Variants in HPSE2 observed in about 807,000 individuals in gnomAD.
The protein encoded by HPSE2 is inactive heparanase-2.
In HPSE2, 38 loss-of-function variants were observed where a neutral mutation model predicts 60.5. That is an observed-to-expected ratio of 0.63 (90% CI 0.48 to 0.82). The LOEUF is 0.82. Among genes scored for constraint, HPSE2 ranks in the 40% least tolerant of loss-of-function variants. The pLI is 0.00. For missense variants in HPSE2, 713 were observed against 740.4 expected (o/e 0.96, Z 0.43); for synonymous variants, 295 against 293.2 (o/e 1.01, Z -0.06).
intron 3 of HPSE2, among the ~76,000 whole-genome samples, chr10:98,910,050 GA>G (rs1156467288): frequency 6.6e-6 from 1 of 152,036 alleles, no homozygotes; most frequent in East Asian, 1.9e-4. Context: ...GCTATTATAA[GA>G]AGAAAAAAAG....
At chr10:98,979,737 C>A (rs1273642440) in intron 3 of HPSE2, among the ~76,000 whole-genome samples, 4 of 152,076 alleles carry the variant, frequency 2.6e-5, no homozygotes, top group Non-Finnish European at 5.9e-5. Flanking sequence ...TACTACAGAA[C>A]AACAAATAGA....
At chr10:99,066,029 G>GA (rs2135535130) in intron 3 of HPSE2, among the ~76,000 whole-genome samples, 1 of 64,548 alleles carries the variant, frequency 1.5e-5, no homozygotes, top group Admixed American at 1.6e-4. Context: ...AGGCAGCTGG[G>GA]AAAATTGTTT....
At chr10:98,622,446 C>T (rs1946098361) in intron 7 of HPSE2, among the ~76,000 whole-genome samples, 3 of 152,156 alleles carry the variant, frequency 2.0e-5, no homozygotes, top group African/African-American at 4.8e-5. Flanking sequence ...TAATTTAATT[C>T]TCTGCACCTG....
chr10:98,711,468 A>C (rs1471241962), intron 5 of HPSE2, among the ~76,000 whole-genome samples: 1 of 152,172 alleles, frequency 6.6e-6, no homozygotes, highest in Non-Finnish European at 1.5e-5. Context: ...GAAAAATAGC[A>C]TCACTGAATA....
chr10:98,980,100 T>C (rs1956172582), intron 3 of HPSE2, among the ~76,000 whole-genome samples: 1 of 152,156 alleles, frequency 6.6e-6, no homozygotes, highest in African/African-American at 2.4e-5. Flanking sequence ...ACGCAGGACA[T>C]ATAAAGTCAG....
At chr10:99,213,479 A>G (rs1849016999) in intron 2 of HPSE2, among the ~76,000 whole-genome samples, 1 of 151,434 alleles carries the variant, frequency 6.6e-6, no homozygotes, top group African/African-American at 2.4e-5. Flanking sequence ...AGCATTTGGC[A>G]AAAAAAACAA....
intron 2 of HPSE2, among the ~76,000 whole-genome samples, chr10:99,164,758 C>A (rs112907132): frequency 2.0e-5 from 3 of 152,174 alleles, no homozygotes; most frequent in Non-Finnish European, 4.4e-5. Flanking sequence ...GGCGCAGTGG[C>A]GCATGCCTGT....
chr10:98,661,135 C>A (rs78191192), intron 6 of HPSE2, among the ~76,000 whole-genome samples: 6 of 152,054 alleles, frequency 3.9e-5, no homozygotes, highest in African/African-American at 1.5e-4. Context: ...ATCACAAGCC[C>A]GATGCAGGCT....
At chr10:99,020,939 G>A (rs1380093435) in intron 3 of HPSE2, among the ~76,000 whole-genome samples, 1 of 152,212 alleles carries the variant, frequency 6.6e-6, no homozygotes, top group Non-Finnish European at 1.5e-5. Context: ...TATGGCAGAG[G>A]ATGATATTTA....
At chr10:98,721,507 T>TA in intron 5 of HPSE2, 150 bp downstream of exon 5, 1 of 708,908 alleles carries the variant, frequency 1.4e-6, no homozygotes, top group Non-Finnish European at 2.3e-6. Context: ...ATCTCTGTCT[T>TA]AGAGTGGGTG....
At chr10:98,813,899 T>A (rs1158264490) in intron 3 of HPSE2, among the ~76,000 whole-genome samples, 1 of 152,194 alleles carries the variant, frequency 6.6e-6, no homozygotes, top group Non-Finnish European at 1.5e-5. Context: ...GGTCCTTACA[T>A]TGTTATACAA....
chr10:98,941,665 T>G (rs1296026559), intron 3 of HPSE2, among the ~76,000 whole-genome samples: 1 of 133,606 alleles, frequency 7.5e-6, no homozygotes, highest in African/African-American at 3.2e-5. Flanking sequence ...CAAGGTAATT[T>G]ATAGATTCAA....
intron 4 of HPSE2, among the ~76,000 whole-genome samples, chr10:98,739,460 G>A (rs553943242): frequency 6.7e-6 from 1 of 149,222 alleles, no homozygotes; most frequent in South Asian, 2.1e-4. Context: ...AAAAAAAAAA[G>A]AAGAAGAAAA....
chr10:98,931,498 G>A (rs1419265026), intron 3 of HPSE2, among the ~76,000 whole-genome samples: 2 of 143,884 alleles, frequency 1.4e-5, no homozygotes, highest in Non-Finnish European at 3.0e-5. Flanking sequence ...TTCTAATTCT[G>A]TGAAGAATGT....
intron 10 of HPSE2, among the ~76,000 whole-genome samples, chr10:98,485,513 T>C (rs564253663): frequency 5.9e-5 from 9 of 152,126 alleles, no homozygotes; most frequent in Non-Finnish European, 1.0e-4. Context: ...ATGAGTTAGG[T>C]CAGAAGAGAA....
chr10:98,985,468 C>A (rs888062869), intron 3 of HPSE2, among the ~76,000 whole-genome samples: 5 of 152,138 alleles, frequency 3.3e-5, no homozygotes, highest in African/African-American at 9.7e-5. Context: ...ACCAGGCCTG[C>A]CCTAAAACAG....
chr10:98,641,155 C>T (rs1490160809), intron 7 of HPSE2, among the ~76,000 whole-genome samples: 2 of 152,184 alleles, frequency 1.3e-5, no homozygotes, highest in Non-Finnish European at 2.9e-5. Flanking sequence ...ACTGGAATTT[C>T]ACTGAATGAA....
Position 99,161,270 on chromosome 10 carries a change from T to A in HPSE2, c.449-16871A>T, listed in dbSNP as rs548838379. On this transcript the variant is annotated intron_variant, in intron 2 of 11. Coordinates refer to ENST00000370552, the MANE Select transcript of HPSE2 (RefSeq NM_021828.5). Reference sequence around the variant, plus strand: ...TGAATATTTATAGTAGCATTATGCATAACAGCCAAAACTGGCAACAGCCCA... The same window carrying A: ...TGAATATTTATAGTAGCATTATGCAAAACAGCCAAAACTGGCAACAGCCCA... Among the ~76,000 whole-genome samples the A allele has an allele frequency of 9.4e-5, 14 of 148,958 alleles. No individual in the cohort carries two copies. In the South Asian group the frequency reaches 2.9e-3, roughly 31 times the overall value.
At chr10:98,587,396 G>T (rs1387029325) in intron 9 of HPSE2, among the ~76,000 whole-genome samples, 1 of 152,162 alleles carries the variant, frequency 6.6e-6, no homozygotes, top group African/African-American at 2.4e-5. Context: ...ACTCAGGCAG[G>T]TTATGGCCAT....
Sources: allele counts gnomAD v4.1 joint callset (sites outside exome capture counted in the v4.1 genomes callset), GRCh38; gene constraint gnomAD v4.1.1; transcripts MANE v1.5; gene names NCBI Gene and HGNC (gene_info 2026-07-23, HGNC 2026-07-21).